The following CCDC12 variants were observed in gnomAD, a reference collection of about 807,000 sequenced individuals.
CCDC12 encodes coiled-coil domain containing 12.
Under a neutral mutation model 25.7 loss-of-function variants are expected in CCDC12, and 28 were observed. That is an observed-to-expected ratio of 1.09 (90% CI 0.81 to 1.50). The LOEUF is 1.50. CCDC12 is among the 40% of genes most tolerant of loss of function. The probability of loss-of-function intolerance (pLI) is 0.00; values close to 1 mark genes in which losing one functional copy is unlikely to be tolerated. For synonymous variants in CCDC12, 75 were observed against 87.7 expected (o/e 0.86, Z 0.81); for missense variants, 198 against 210.0 (o/e 0.94, Z 0.35).
At chr3:46,976,265 T>G in intron 1 of CCDC12, 3 of 1,046,392 alleles carry the variant, frequency 2.9e-6, no homozygotes, top group South Asian at 3.2e-5. Context: ...AAGGCGGGGG[T>G]TAAAGACCAG....
At position 46,923,627 on chromosome 3, in the gene CCDC12, C is replaced by A. The variant is rs566710688; in HGVS notation, c.286G>T (p.Glu96Ter). The A allele has an allele frequency of 3.1e-6, 5 of 1,589,178 alleles. No homozygotes were observed. The highest frequency in any genetic ancestry group is 4.3e-6 in the Non-Finnish European group (5 of 1,166,804). The change falls in exon 4 of 7, where the codon GAG (glutamate) becomes TAG (stop). Residue 96 changes from glutamate to a stop codon, truncating the protein, a stop_gained. Transcript: ENST00000683445. LOFTEE classifies it high-confidence loss of function. ...VKEQLEAAKP[E>*]PVIEEVDLAN... ...CTCACCACCTCCTCGATGACGGGCT[C>A]GGGCTTGGCGGCCTCCAGCTGCTCC... is the stretch of plus-strand genomic sequence containing the variant.
intron 1 of CCDC12, among the ~76,000 whole-genome samples, chr3:46,946,266 A>G (rs2033902586): frequency 1.3e-5 from 2 of 152,232 alleles, no homozygotes; most frequent in Admixed American, 6.5e-5. Flanking sequence ...TATCGTCAAG[A>G]ATCTCAAGTC....
chr3:46,927,651 C>T (rs1247346078), intron 2 of CCDC12, among the ~76,000 whole-genome samples: 3 of 152,202 alleles, frequency 2.0e-5, no homozygotes, highest in Admixed American at 6.5e-5. Flanking sequence ...TAGATCCCGA[C>T]CACCATGGGA....
At chr3:46,922,968 A>C in intron 5 of CCDC12, 1 of 203,444 alleles carries the variant, frequency 4.9e-6, no homozygotes, top group Non-Finnish European at 9.8e-6. Flanking sequence ...GGAACAAGCT[A>C]TGGTGGTAGA....
intron 1 of CCDC12, among the ~76,000 whole-genome samples, chr3:46,958,553 G>A (rs1049998940): frequency 1.3e-5 from 2 of 152,126 alleles, no homozygotes; most frequent in African/African-American, 4.8e-5. Context: ...TGGGCCAAGG[G>A]AATAAGCAGC....
At chr3:46,958,702 G>A (rs1011170764) in intron 1 of CCDC12, among the ~76,000 whole-genome samples, 45 of 152,056 alleles carry the variant, frequency 3.0e-4, no homozygotes, top group African/African-American at 1.1e-3. Flanking sequence ...CCCACTCCGC[G>A]AAAGGAGGAG....
intron 1 of CCDC12, among the ~76,000 whole-genome samples, chr3:46,943,500 C>G (rs540462644): frequency 1.1e-4 from 16 of 152,332 alleles, no homozygotes; most frequent in African/African-American, 3.6e-4. Flanking sequence ...GCCACAAAGA[C>G]GACTCCTTTC....
At chr3:46,949,047 A>G (rs2034015131) in intron 1 of CCDC12, among the ~76,000 whole-genome samples, 1 of 152,222 alleles carries the variant, frequency 6.6e-6, no homozygotes, top group African/African-American at 2.4e-5. Context: ...CACAGATTCC[A>G]GAGGTCAATG....
intron 1 of CCDC12, 180 bp downstream of exon 1, chr3:46,976,457 C>T: frequency 4.9e-6 from 7 of 1,426,998 alleles, no homozygotes; most frequent in Non-Finnish European, 6.4e-6. Flanking sequence ...CCAGAGGAGT[C>T]CCACGCCAAG....
At chr3:46,938,928 A>G (rs944723185) in intron 2 of CCDC12, among the ~76,000 whole-genome samples, 1 of 152,186 alleles carries the variant, frequency 6.6e-6, no homozygotes, top group South Asian at 2.1e-4. Context: ...CCAGACAGCA[A>G]TCGGAGGCAT....
At chr3:46,947,734 T>C (rs1281131779) in intron 1 of CCDC12, among the ~76,000 whole-genome samples, 1 of 152,060 alleles carries the variant, frequency 6.6e-6, no homozygotes, top group Non-Finnish European at 1.5e-5. Flanking sequence ...TTGTACCAGT[T>C]TGCACCCACA....
intron 3 of CCDC12, among the ~76,000 whole-genome samples, chr3:46,924,767 G>C (rs904669576): frequency 3.9e-5 from 6 of 152,208 alleles, no homozygotes; most frequent in African/African-American, 1.4e-4. Context: ...AGTGAGCTGA[G>C]ATTATGCCAC....
At chr3:46,976,339 C>T in intron 1 of CCDC12, 1 of 1,325,660 alleles carries the variant, frequency 7.5e-7, no homozygotes. Context: ...CTACAGGCAG[C>T]CCTAGATACC....
At chr3:46,975,338 C>T (rs565276136) in intron 1 of CCDC12, among the ~76,000 whole-genome samples, 1 of 151,822 alleles carries the variant, frequency 6.6e-6, no homozygotes, top group South Asian at 2.1e-4. Flanking sequence ...GTGCCTGCCA[C>T]CACACCTGGC....
At chr3:46,944,655 C>G (rs1344238265) in intron 1 of CCDC12, among the ~76,000 whole-genome samples, 2 of 152,088 alleles carry the variant, frequency 1.3e-5, no homozygotes, top group African/African-American at 4.8e-5. Context: ...CAACCAAGCC[C>G]CCAGCCATTC....
intron 5 of CCDC12, 181 bp from the exon 6 acceptor site, chr3:46,922,493 C>T (rs930829140): frequency 4.7e-6 from 3 of 643,898 alleles, no homozygotes; most frequent in Non-Finnish European, 8.1e-6. Flanking sequence ...CATAAACCAT[C>T]ATTCCCTGTC....
chr3:46,969,820 C>T (rs17783959), intron 1 of CCDC12, among the ~76,000 whole-genome samples: 1,699 of 151,978 alleles, frequency 0.011, 18 homozygotes, highest in Non-Finnish European at 0.017. Flanking sequence ...AGAGATGCAC[C>T]GTCGAATAAG....
chr3:46,944,766 T>G (rs1037968758), intron 1 of CCDC12, among the ~76,000 whole-genome samples: 1 of 151,458 alleles, frequency 6.6e-6, no homozygotes, highest in African/African-American at 2.4e-5. Flanking sequence ...CTCCCCTAAG[T>G]CTCTCTTCAA....
chr3:46,927,932 T>C (rs1006001615), intron 2 of CCDC12, among the ~76,000 whole-genome samples: 24 of 152,110 alleles, frequency 1.6e-4, no homozygotes, highest in Non-Finnish European at 5.9e-5. Context: ...CAGGAGTCTC[T>C]GGGAGAGGTC....
Sources: gnomAD v4.1 joint callset for allele counts (sites outside exome capture counted in the v4.1 genomes callset) on GRCh38, gnomAD v4.1.1 for gene constraint, MANE v1.5 for transcripts, NCBI Gene and HGNC (gene_info 2026-07-23, HGNC 2026-07-21) for gene names.